Variants in CXXC5 observed in about 807,000 individuals in gnomAD.
CXXC5 encodes CXXC-type zinc finger protein 5.
Under a neutral mutation model 17.6 loss-of-function variants are expected in CXXC5, and 2 were observed. The ratio of observed to expected loss-of-function variants is 0.11; its 90% confidence interval spans 0.05 to 0.36. CXXC5 has a LOEUF of 0.36. CXXC5 is among the 10% of genes least tolerant of loss of function. The probability of loss-of-function intolerance (pLI) is 1.00; values close to 1 mark genes in which losing one functional copy is unlikely to be tolerated. For missense variants in CXXC5, 343 were observed against 458.3 expected, an observed-to-expected ratio of 0.75 and a Z score of 2.30; for synonymous variants, 171 against 193.0, an observed-to-expected ratio of 0.89 and a Z score of 0.94.
rs757568568 is a variant in CXXC5 at position 139,682,878 on chromosome 5, A to T, written c.940A>T (p.Thr314Ser). Residue 314 changes from threonine (T) to serine (S), a missense_variant, in exon 3 of 3, where the codon ACG (threonine) becomes TCG (serine). Thr to Ser is a moderately conservative substitution (Grantham distance 58). Coordinates refer to ENST00000302517, the MANE Select transcript of CXXC5 (RefSeq NM_016463.9). ...CCCCCGCCAGAAGGTGATGCTTCCGACGGGAGCCGCCTTCCGGTGGTTTCA... is the reference window on the plus strand; with the variant it reads ...CCCCCGCCAGAAGGTGATGCTTCCGTCGGGAGCCGCCTTCCGGTGGTTTCA... ...SAALEKVMLPTGAAFRWFQ is the reference protein window; with the variant it reads ...SAALEKVMLPSGAAFRWFQ The T allele has an allele frequency of 1.3e-6, 2 of 1,594,614 alleles. No homozygotes were observed. Among genetic ancestry groups the T allele is most frequent in the East Asian group, 2.3e-5 (1 of 43,278 alleles).
intron 1 of CXXC5, among the ~76,000 whole-genome samples, chr5:139,650,821 G>T (rs1350631321): frequency 6.6e-6 from 1 of 152,120 alleles, no homozygotes; most frequent in Non-Finnish European, 1.5e-5. Context: ...AACTCAGGCC[G>T]GCGGGCTACC....
chr5:139,649,883 A>G (rs1222211322), intron 1 of CXXC5, among the ~76,000 whole-genome samples: 1 of 152,028 alleles, frequency 6.6e-6, no homozygotes, highest in African/African-American at 2.4e-5. Flanking sequence ...CGCGAGAGGA[A>G]TGTGTTAATT....
intron 1 of CXXC5, among the ~76,000 whole-genome samples, chr5:139,652,423 C>T (rs1310568388): frequency 6.6e-6 from 1 of 152,090 alleles, no homozygotes; most frequent in Non-Finnish European, 1.5e-5. Flanking sequence ...AAAGGACTGC[C>T]CCCTAAAGAC....
chr5:139,673,844 A>G (rs2126801854), intron 1 of CXXC5, among the ~76,000 whole-genome samples: 1 of 130,348 alleles, frequency 7.7e-6, no homozygotes, highest in African/African-American at 3.0e-5. Flanking sequence ...CTTGTCAAAA[A>G]AAAAAAAAAA....
chr5:139,660,697 G>A (rs931606965), intron 1 of CXXC5, among the ~76,000 whole-genome samples: 1 of 151,390 alleles, frequency 6.6e-6, no homozygotes, highest in East Asian at 1.9e-4. Flanking sequence ...ATGTGGGTGG[G>A]GCCACTGGGA....
rs1263729884 is a variant in CXXC5, at chr5:139,668,687, C to G, written c.-160-11677C>G. ...GTAGGCTCTGGGCCATGCCGGGGTACCTGGCTTGGAGGCTCTCTTCAGTCT... is the reference window on the plus strand; with the variant it reads ...GTAGGCTCTGGGCCATGCCGGGGTAGCTGGCTTGGAGGCTCTCTTCAGTCT... On this transcript the variant is annotated intron_variant, in intron 1 of 2. Coordinates refer to ENST00000302517, the MANE Select transcript of CXXC5 (RefSeq NM_016463.9). This position sits in a 1 kb window ranked among gnomAD's most constrained non-coding sequence, Gnocchi z 4.1. Among the ~76,000 whole-genome samples the G allele has an allele frequency of 6.6e-6, 1 of 152,138 alleles. No homozygotes were observed. Among genetic ancestry groups the G allele is most frequent in the African/African-American group, 2.4e-5 (1 of 41,432 alleles).
intron 1 of CXXC5, among the ~76,000 whole-genome samples, chr5:139,677,209 C>T (rs998122211): frequency 3.3e-5 from 5 of 151,872 alleles, no homozygotes; most frequent in Non-Finnish European, 7.4e-5. Flanking sequence ...ATGATGGATG[C>T]GCCCGCCGCC....
intron 2 of CXXC5, among the ~76,000 whole-genome samples, chr5:139,682,318 CCCCCAA>C (rs1757281335): frequency 8.4e-6 from 1 of 118,760 alleles, no homozygotes; most frequent in Admixed American, 8.0e-5. Flanking sequence ...TGGTTACCCT[CCCCCAA>C]CCCCAGCCCC....
chr5:139,655,986 C>T (rs1033333674), intron 1 of CXXC5, among the ~76,000 whole-genome samples: 2 of 152,234 alleles, frequency 1.3e-5, no homozygotes, highest in African/African-American at 2.4e-5. Flanking sequence ...TGGTGGCCCC[C>T]GGGGAGCCCT....
rs1755959189 is a variant in CXXC5 at position 139,663,929 on chromosome 5, A to C, written c.-161+15084A>C. 6.6e-6 allele frequency among the ~76,000 whole-genome samples: 1 copy of C among 152,154 alleles called. No individual in the cohort carries two copies. The highest frequency in any genetic ancestry group is 2.4e-5 in the African/African-American group (1 of 41,426). ...ACCTGTCTGAGGTCACCTAGGCTGGAGGCTGCAGAGCTAGGAGAGGAATCC... is the reference window on the plus strand; with the variant it reads ...ACCTGTCTGAGGTCACCTAGGCTGGCGGCTGCAGAGCTAGGAGAGGAATCC... On this transcript the variant is annotated intron_variant, in intron 1 of 2. Transcript: ENST00000302517. This position sits in a 1 kb window ranked among gnomAD's most constrained non-coding sequence, Gnocchi z 4.2.
chr5:139,655,333 A>G (rs563250631), intron 1 of CXXC5, among the ~76,000 whole-genome samples: 3 of 151,966 alleles, frequency 2.0e-5, no homozygotes, highest in African/African-American at 2.4e-5. Flanking sequence ...CCTGCTTCCT[A>G]TGACCTTTGT....
chr5:139,665,275 G>A (rs1457586268), intron 1 of CXXC5, among the ~76,000 whole-genome samples: 4 of 152,274 alleles, frequency 2.6e-5, no homozygotes, highest in African/African-American at 9.6e-5. Flanking sequence ...CGCCGCAGCC[G>A]CGGCCTCCTC....
At chr5:139,651,840 T>G (rs916567442) in intron 1 of CXXC5, among the ~76,000 whole-genome samples, 1 of 152,162 alleles carries the variant, frequency 6.6e-6, no homozygotes, top group Non-Finnish European at 1.5e-5. Context: ...CATGATGCTC[T>G]GGGGCATGCC....
chr5:139,680,978 C>T lies in CXXC5; in HGVS notation c.455C>T (p.Thr152Met), dbSNP rs1331972972. ...CTGCTGAGCAAGGCAGAGCGGGCCACGGAGCTGGCAGCCGAGGGACAGCTG... is the reference window on the plus strand; with the variant it reads ...CTGCTGAGCAAGGCAGAGCGGGCCATGGAGCTGGCAGCCGAGGGACAGCTG... Reference protein sequence around the residue: ...ASLLSKAERATELAAEGQLTL... With the variant: ...ASLLSKAERAMELAAEGQLTL... Residue 152 changes from threonine (T) to methionine (M), a missense_variant, in exon 2 of 3, where the codon ACG becomes ATG. Around this residue, in one of 4 missense-constraint regions of CXXC5, gnomAD observed 297 missense variants for 363.4 expected, o/e 0.82. Coordinates refer to ENST00000302517, the MANE Select transcript of CXXC5 (RefSeq NM_016463.9). 1.9e-6 allele frequency: 3 copies of T among 1,602,464 alleles called. No individual in the cohort carries two copies. Among genetic ancestry groups the T allele is most frequent in the East Asian group, 2.2e-5 (1 of 44,888 alleles).
At chr5:139,675,545 A>G (rs746089524) in intron 1 of CXXC5, 4 of 152,118 alleles carry the variant, frequency 2.6e-5, no homozygotes, top group Non-Finnish European at 5.9e-5. Context: ...CACGGTAACA[A>G]TCCTGGGGAG....
At chr5:139,649,375 G>A in intron 1 of CXXC5, 1 of 152,454 alleles carries the variant, frequency 6.6e-6, no homozygotes, top group Non-Finnish European at 1.5e-5. Context: ...GGGGGCGGCT[G>A]CTTGTAGATC....
Position 139,668,666 on chromosome 5 carries a change from G to A in CXXC5, c.-160-11698G>A, listed in dbSNP as rs1031741485. ...CATCGTGGCGTGCAGGTCTGAGTAG[G>A]CTCTGGGCCATGCCGGGGTACCTGG... On this transcript the variant is annotated intron_variant, in intron 1 of 2. Coordinates refer to ENST00000302517, the MANE Select transcript of CXXC5 (RefSeq NM_016463.9). This position sits in a 1 kb window ranked among gnomAD's most constrained non-coding sequence, Gnocchi z 4.1. Among the ~76,000 whole-genome samples, 2 of 152,194 alleles carry A rather than the reference G, an allele frequency of 1.3e-5. No homozygotes were observed. Among genetic ancestry groups the A allele is most frequent in the African/African-American group, 2.4e-5 (1 of 41,452 alleles).
chr5:139,677,121 A>G (rs979167139), intron 1 of CXXC5, among the ~76,000 whole-genome samples: 1 of 151,884 alleles, frequency 6.6e-6, no homozygotes, highest in African/African-American at 2.4e-5. Context: ...CGCATTGCTG[A>G]TGAAACGGAG....
upstream of CXXC5, chr5:139,647,486 G>A (rs1370747435): frequency 2.0e-5 from 3 of 152,238 alleles, no homozygotes; most frequent in African/African-American, 4.8e-5. Flanking sequence ...GCCTAAGATG[G>A]GCATATGGAG....
Sources: gnomAD v4.1 joint callset for allele counts (sites outside exome capture counted in the v4.1 genomes callset) on GRCh38, gnomAD v4.1.1 for gene constraint, gnomAD v4.1.1 regional missense constraint, Gnocchi (gnomAD v3.1) non-coding constraint, MANE v1.5 for transcripts, NCBI Gene and HGNC (gene_info 2026-07-23, HGNC 2026-07-21) for gene names.